The following YJU2 variants were observed in gnomAD, a reference collection of about 807,000 sequenced individuals.
YJU2 encodes splicing factor YJU2.
Under a neutral mutation model 39.6 loss-of-function variants are expected in YJU2, and 28 were observed. That is an observed-to-expected ratio of 0.71 (90% CI 0.52 to 0.97). YJU2 has a LOEUF of 0.97. YJU2 is among the 50% of genes least tolerant of loss of function. The probability of loss-of-function intolerance (pLI) is 0.00; values close to 1 mark genes in which losing one functional copy is unlikely to be tolerated. For missense variants in YJU2, 328 were observed against 430.4 expected (o/e 0.76, Z 2.11); for synonymous variants, 184 against 182.4 (o/e 1.01, Z -0.07).
At chr19:4,257,665 G>A (rs552664384) in intron 4 of YJU2, among the ~76,000 whole-genome samples, 24 of 152,192 alleles carry the variant, frequency 1.6e-4, no homozygotes, top group African/African-American at 5.3e-4. Context: ...GTAGAGATGG[G>A]GTTTCGTCAT....
In YJU2 at chr19:4,252,414, C is replaced by T. The variant is rs560761778; in HGVS notation, c.270+1243C>T. Reference sequence around the variant, plus strand: ...GAGATCGAGACCATCCTGGCTAACACAGTGAAACCCCGTCTCTACTAAAAA... The same window carrying T: ...GAGATCGAGACCATCCTGGCTAACATAGTGAAACCCCGTCTCTACTAAAAA... On this transcript the variant is annotated intron_variant, in intron 3 of 7. Transcript: ENST00000262962. Among the ~76,000 whole-genome samples, 26 of 149,750 alleles carry T rather than the reference C, an allele frequency of 1.7e-4. No individual in the cohort carries two copies. The East Asian group carries it at 5.1e-3, about 30-fold the overall frequency.
chr19:4,256,185 T>TA (rs1971019389), intron 4 of YJU2, among the ~76,000 whole-genome samples: 3 of 106,782 alleles, frequency 2.8e-5, no homozygotes, highest in Admixed American at 2.6e-4. Context: ...AAAAAAAATA[T>TA]ATATATATAT....
chr19:4,258,491 C>A (rs1430500985), intron 5 of YJU2, 68 bp downstream of exon 5: 3 of 1,513,452 alleles, frequency 2.0e-6, no homozygotes, highest in Non-Finnish European at 2.7e-6. Flanking sequence ...TGCCTCTGCC[C>A]CAGACCCTTT....
Position 4,251,771 on chromosome 19 carries a change from G to C in YJU2, c.270+600G>C, listed in dbSNP as rs1024088680. On this transcript the variant is annotated intron_variant, in intron 3 of 7. Coordinates refer to ENST00000262962, the MANE Select transcript of YJU2 (RefSeq NM_018074.6). ...GGCCAAGGCAGGAAAGAGAGCCCCT[G>C]AGGTCAGGAGTTTGAGACCAGCCTG... is the stretch of plus-strand genomic sequence containing the variant. 4.0e-5 allele frequency among the ~76,000 whole-genome samples: 6 copies of C among 151,178 alleles called. 1 individual carries two copies. Among genetic ancestry groups the C allele is most frequent in the African/African-American group, 7.3e-5 (3 of 41,088 alleles).
At chr19:4,261,972 G>A (rs370630525) in intron 5 of YJU2, 22 bp from the exon 6 acceptor site, 14 of 1,611,226 alleles carry the variant, frequency 8.7e-6, no homozygotes, top group Admixed American at 3.3e-5. Flanking sequence ...GCACGTCCAA[G>A]TTCCCATCTT....
At chr19:4,267,957 CTTT>C (rs1174345223) in intron 7 of YJU2, among the ~76,000 whole-genome samples, 183 bp downstream of exon 7, 1 of 143,012 alleles carries the variant, frequency 7.0e-6, no homozygotes. Context: ...TTTCTTTTTT[CTTT>C]TTTTTTTTTT....
rs765100316 is a variant in YJU2 at position 4,268,717 on chromosome 19, C to T, written c.*21C>T. The T allele has an allele frequency of 2.2e-5, 34 of 1,551,722 alleles. No individual in the cohort carries two copies. Among genetic ancestry groups the T allele is most frequent in the African/African-American group, 1.6e-4 (12 of 73,560 alleles). Reference sequence around the variant, plus strand: ...ACTGAGCCCTCCCAGGACCCCCTCACGGGGTCAAAGTCACACGTCCAGCTT... The same window carrying T: ...ACTGAGCCCTCCCAGGACCCCCTCATGGGGTCAAAGTCACACGTCCAGCTT... On this transcript the variant is annotated 3_prime_UTR_variant, in exon 8 of 8. Coordinates refer to ENST00000262962, the MANE Select transcript of YJU2 (RefSeq NM_018074.6).
intron 1 of YJU2, among the ~76,000 whole-genome samples, chr19:4,247,678 T>C (rs1274076614): frequency 5.7e-5 from 7 of 122,428 alleles, no homozygotes; most frequent in South Asian, 2.8e-4. Context: ...TGTGTGTGTG[T>C]GTGTGTGTGT....
Position 4,267,771 on chromosome 19 carries a change from C to T in YJU2, c.856C>T (p.Pro286Ser). The T allele has an allele frequency of 6.2e-7, 1 of 1,611,440 alleles. No homozygotes were observed. The highest frequency in any genetic ancestry group is 8.5e-7 in the Non-Finnish European group (1 of 1,179,140). ...CGGGCAGCCTCAGGCGGCCCCCACC[C>T]CAGGTAAGGTCACAGAGTTCCCAGA... The part of the protein sequence containing the change: ...SNGQPQAAPT[P>S]GAPQNRKEAN... Residue 286 changes from proline (P) to serine (S), a missense_variant, in exon 7 of 8, where the codon CCA becomes TCA. Coordinates refer to ENST00000262962, the MANE Select transcript of YJU2 (RefSeq NM_018074.6).
rs116426149 is a variant in YJU2, at chr19:4,256,714, G to A, written c.406-1528G>A. Among the ~76,000 whole-genome samples, 870 of 152,292 alleles carry A rather than the reference G, an allele frequency of 5.7e-3. 13 individuals are homozygous for A. Among genetic ancestry groups the A allele is most frequent in the African/African-American group, 0.02 (832 of 41,564 alleles). On this transcript the variant is annotated intron_variant, in intron 4 of 7. Transcript: ENST00000262962. ...GCCAGGGCAGTATCATCTGAAGGCT[G>A]GACTGGGGCTGGAGGAGCCACTCGC...
chr19:4,267,788 G>A lies in YJU2; in HGVS notation c.859+14G>A. 1 of 1,607,576 alleles carries A rather than the reference G, an allele frequency of 6.2e-7. No individual in the cohort carries two copies. Among genetic ancestry groups the A allele is most frequent in the Non-Finnish European group, 8.5e-7 (1 of 1,177,168 alleles). ...CCCCCACCCCAGGTAAGGTCACAGA[G>A]TTCCCAGAGCCGGGCGCGGTTTCTA... On this transcript the variant is annotated intron_variant, in intron 7 of 7. Coordinates refer to ENST00000262962, the MANE Select transcript of YJU2 (RefSeq NM_018074.6).
intron 2 of YJU2, among the ~76,000 whole-genome samples, chr19:4,250,025 A>T (rs899722146): frequency 1.3e-5 from 2 of 151,846 alleles, no homozygotes; most frequent in Non-Finnish European, 2.9e-5. Context: ...CTACTTACAC[A>T]TGGCAGGCTC....
chr19:4,252,032 A>G (rs1203767707), intron 3 of YJU2, among the ~76,000 whole-genome samples: 1 of 152,206 alleles, frequency 6.6e-6, no homozygotes, highest in Non-Finnish European at 1.5e-5. Flanking sequence ...TACACAGCCA[A>G]TAAAAATTGC....
rs58736061 is a variant in YJU2, at chr19:4,255,727, CAAAAAAA to C, written c.405+1254_405+1260del. 5.6e-3 allele frequency among the ~76,000 whole-genome samples: 579 copies of C among 103,730 alleles called. 3 individuals are homozygous for C. The highest frequency in any genetic ancestry group is 0.015 in the African/African-American group (503 of 32,882). The allele number at this position is 103,730 out of a possible 152,430, so 68.1% of individuals were successfully genotyped here. The stretch of plus-strand genomic sequence containing the variant: ...TGGGTGACAGAGCAAGATTCTGTGT[CAAAAAAA>C]AAAAAAAAAAAAAAATCAGCCAAGT... On this transcript the variant is annotated intron_variant, in intron 4 of 7. Coordinates refer to ENST00000262962, the MANE Select transcript of YJU2 (RefSeq NM_018074.6).
Position 4,262,038 on chromosome 19 carries a change from C to G in YJU2, c.632C>G (p.Ser211Cys), listed in dbSNP as rs747509190. The G allele has an allele frequency of 1.2e-6, 2 of 1,613,306 alleles. No individual in the cohort carries two copies. Among genetic ancestry groups the G allele is most frequent in the East Asian group, 2.2e-5 (1 of 44,860 alleles). ...EARKRRLLED[S>C]DSEDEAAPSP... is the part of the protein sequence containing the mutation. ...AGAAAGCGAAGACTGCTGGAGGACT[C>G]CGACTCAGAGGATGAGGCTGCTCCC... The change falls in exon 6 of 8, where the codon TCC becomes TGC. Residue 211 changes from serine (S) to cysteine (C), a missense_variant. Ser to Cys is a moderately radical substitution (Grantham distance 112, BLOSUM62 -1). Transcript: ENST00000262962.
chr19:4,268,052 G>C (rs1264291916), intron 7 of YJU2, among the ~76,000 whole-genome samples: 1 of 150,522 alleles, frequency 6.6e-6, no homozygotes, highest in Non-Finnish European at 1.5e-5. Flanking sequence ...TCCCTGGTTT[G>C]AGCAGTTCTC....
intron 1 of YJU2, among the ~76,000 whole-genome samples, chr19:4,247,697 G>GTT (rs142347126): frequency 7.2e-6 from 1 of 138,822 alleles, no homozygotes; most frequent in Non-Finnish European, 1.6e-5. Flanking sequence ...GTGTGTGTGT[G>GTT]TTTTGTTTTT....
At chr19:4,256,661 C>T (rs996779436) in intron 4 of YJU2, among the ~76,000 whole-genome samples, 1 of 152,120 alleles carries the variant, frequency 6.6e-6, no homozygotes, top group African/African-American at 2.4e-5. Context: ...GGCTTGGGGG[C>T]TCCCATGAGG....
At chr19:4,249,428 T>G (rs1204683987) in intron 2 of YJU2, 100 bp downstream of exon 2, 31 of 730,642 alleles carry the variant, frequency 4.2e-5, no homozygotes, top group Non-Finnish European at 6.5e-5. Context: ...ACCAGATCAC[T>G]GGTCTTAGAC....
Sources: gnomAD v4.1 joint callset for allele counts (sites outside exome capture counted in the v4.1 genomes callset) on GRCh38, gnomAD v4.1.1 for gene constraint, MANE v1.5 for transcripts, NCBI Gene and HGNC (gene_info 2026-07-23, HGNC 2026-07-21) for gene names.